The following UNC13C variants were observed in gnomAD, a reference collection of about 807,000 sequenced individuals.
UNC13C encodes the protein protein unc-13 homolog C.
A neutral mutation model predicts 245.4 loss-of-function variants in UNC13C; 174 were observed. That is an observed-to-expected ratio of 0.71 (90% CI 0.63 to 0.80). The LOEUF (loss-of-function observed/expected upper bound fraction) is 0.80. UNC13C is among the 30% of genes least tolerant of loss of function. UNC13C has a pLI of 0.00. For synonymous variants in UNC13C, 992 were observed against 895.1 expected, an observed-to-expected ratio of 1.11 and a Z score of -1.93; for missense variants, 2,829 against 2,602.9, an observed-to-expected ratio of 1.09 and a Z score of -1.89.
rs749849752 is a variant in UNC13C at position 54,143,657 on chromosome 15, A to T, written c.3044A>T (p.Lys1015Ile). 1.2e-6 allele frequency: 2 copies of T among 1,613,354 alleles called. No individual in the cohort carries two copies. Among genetic ancestry groups the T allele is most frequent in the Non-Finnish European group, 1.7e-6 (2 of 1,179,468 alleles). Residue 1015 changes from lysine (K) to isoleucine (I), a missense_variant, in exon 4 of 33, where the codon AAA becomes ATA. Physicochemically the swap from Lys to Ile is moderately radical, Grantham distance 102. Transcript: ENST00000260323. Reference protein sequence around the residue: ...IVSGNDLDASKFSALQVCGGA... With the variant: ...IVSGNDLDASIFSALQVCGGA... ...AGTGGCAATGATTTGGATGCTTCCA[A>T]ATTTTCTGCACTCCAGGTGTGTGGT...
intron 19 of UNC13C, among the ~76,000 whole-genome samples, chr15:54,487,766 C>CA (rs5812760): frequency 0.022 from 1,346 of 62,262 alleles, 36 homozygotes; most frequent in African/African-American, 0.042. Flanking sequence ...GATTCCATCT[C>CA]AAAAAAAAAA....
At chr15:54,300,398 G>C (rs1260730139) in intron 13 of UNC13C, 25 bp downstream of exon 13, 1 of 1,535,624 alleles carries the variant, frequency 6.5e-7, no homozygotes, top group South Asian at 1.2e-5. Context: ...ACATTTACAT[G>C]GTCAATATCT....
At chr15:53,861,036 T>G in the UNC13C span, among the ~76,000 whole-genome samples, 3 of 152,186 alleles carry the variant, frequency 2.0e-5, no homozygotes, top group Non-Finnish European at 4.4e-5. Context: ...TATTTAAATA[T>G]TCTCTGAAAG....
chr15:54,365,037 C>A (rs970667277), intron 17 of UNC13C, among the ~76,000 whole-genome samples: 7 of 152,122 alleles, frequency 4.6e-5, no homozygotes, highest in African/African-American at 1.7e-4. Flanking sequence ...AACTGCCATT[C>A]CAATTTTGAC....
At chr15:54,034,051 C>T (rs538407296) in intron 2 of UNC13C, among the ~76,000 whole-genome samples, 2 of 152,300 alleles carry the variant, frequency 1.3e-5, no homozygotes, top group African/African-American at 2.4e-5. Flanking sequence ...ATCCATTCTG[C>T]GAGCTTTTGT....
chr15:54,329,456 T>A (rs2038384308), intron 14 of UNC13C, among the ~76,000 whole-genome samples: 1 of 152,006 alleles, frequency 6.6e-6, no homozygotes, highest in Admixed American at 6.6e-5. Flanking sequence ...GCTAGACATA[T>A]GTGGCCCTTA....
At chr15:54,610,437 T>C (rs1366237566) in intron 30 of UNC13C, among the ~76,000 whole-genome samples, 2 of 152,132 alleles carry the variant, frequency 1.3e-5, no homozygotes, top group Non-Finnish European at 2.9e-5. Flanking sequence ...GGTTTCACGA[T>C]GTTGTCCAGG....
intron 17 of UNC13C, among the ~76,000 whole-genome samples, chr15:54,388,284 G>A (rs185828164): frequency 1.3e-5 from 2 of 151,740 alleles, no homozygotes; most frequent in African/African-American, 4.8e-5. Context: ...CTCCTTTCCT[G>A]TTTTTATTGT....
chr15:54,411,132 C>G (rs534747866), intron 18 of UNC13C, among the ~76,000 whole-genome samples: 1 of 152,250 alleles, frequency 6.6e-6, no homozygotes, highest in African/African-American at 2.4e-5. Flanking sequence ...TATTTCCCAT[C>G]TAATTTTTTT....
chr15:54,342,023 T>C (rs1320359102), intron 17 of UNC13C, among the ~76,000 whole-genome samples: 1 of 151,688 alleles, frequency 6.6e-6, no homozygotes, highest in Non-Finnish European at 1.5e-5. Flanking sequence ...CCCAATCCCA[T>C]CCTACTCCTT....
At chr15:54,330,946 T>C (rs1030765094) in intron 14 of UNC13C, among the ~76,000 whole-genome samples, 3 of 152,046 alleles carry the variant, frequency 2.0e-5, no homozygotes, top group African/African-American at 7.2e-5. Context: ...CAAACTTTCT[T>C]ATACTGATGT....
the UNC13C span, among the ~76,000 whole-genome samples, chr15:53,903,984 C>T: frequency 1.3e-5 from 2 of 152,146 alleles, no homozygotes; most frequent in African/African-American, 4.8e-5. Context: ...TGTGCAGGGA[C>T]ATAGAAGGTC....
chr15:54,295,449 G>A (rs866547050), intron 11 of UNC13C, among the ~76,000 whole-genome samples: 90 of 152,174 alleles, frequency 5.9e-4, no homozygotes, highest in African/African-American at 2.1e-3. Context: ...AGGAGTTTGA[G>A]TTCAGACTGG....
chr15:54,085,812 A>C (rs760217633), intron 2 of UNC13C, among the ~76,000 whole-genome samples: 1 of 152,142 alleles, frequency 6.6e-6, no homozygotes, highest in Non-Finnish European at 1.5e-5. Context: ...GGTGTGATCA[A>C]TTTTAAGCTC....
chr15:54,141,547 G>T (rs867581721), intron 2 of UNC13C, among the ~76,000 whole-genome samples: 2 of 151,934 alleles, frequency 1.3e-5, no homozygotes, highest in Non-Finnish European at 2.9e-5. Context: ...TGAACAACTA[G>T]AAGGTTTTGA....
At chr15:54,347,823 A>T (rs2140834699) in intron 17 of UNC13C, among the ~76,000 whole-genome samples, 1 of 152,184 alleles carries the variant, frequency 6.6e-6, no homozygotes, top group Non-Finnish European at 1.5e-5. Flanking sequence ...CCCAAGTCAA[A>T]TTCTCTCACT....
chr15:54,237,744 A>AG, intron 7 of UNC13C, 54 bp downstream of exon 7: 1 of 1,384,192 alleles, frequency 7.2e-7, no homozygotes. Flanking sequence ...CATAATCACA[A>AG]GGGAGAAACT....
chr15:54,379,995 A>G (rs1462355128), intron 17 of UNC13C, among the ~76,000 whole-genome samples: 3 of 152,170 alleles, frequency 2.0e-5, no homozygotes, highest in Non-Finnish European at 4.4e-5. Context: ...GGTGAGAACA[A>G]TTTATATCTA....
chr15:53,842,328 G>C, the UNC13C span, among the ~76,000 whole-genome samples: 1 of 152,214 alleles, frequency 6.6e-6, no homozygotes, highest in Non-Finnish European at 1.5e-5. Flanking sequence ...CAGATATAAA[G>C]TATCATTGTA....
Sources: allele counts gnomAD v4.1 joint callset (sites outside exome capture counted in the v4.1 genomes callset), GRCh38; gene constraint gnomAD v4.1.1; transcripts MANE v1.5; gene names NCBI Gene and HGNC (gene_info 2026-07-23, HGNC 2026-07-21).